BRAF: variants seen among roughly 807,000 people sequenced by gnomAD.
The protein encoded by BRAF is serine/threonine-protein kinase B-raf.
Under a neutral mutation model 104.6 loss-of-function variants are expected in BRAF, and 16 were observed. The ratio of observed to expected loss-of-function variants is 0.15; its 90% CI spans 0.10 to 0.23. The LOEUF (loss-of-function observed/expected upper bound fraction) is 0.23, where lower values mean the gene tolerates loss of function less well. Ranked by LOEUF, BRAF falls within the 10% of genes least tolerant of loss-of-function variation. The pLI, the probability that BRAF is intolerant of heterozygous loss-of-function variation, is 1.00. For missense variants in BRAF, 541 were observed against 937.3 expected, an observed-to-expected ratio of 0.58 and a Z score of 5.52; for synonymous variants, 310 against 341.6, an observed-to-expected ratio of 0.91 and a Z score of 1.02.
At chr7:140,869,694 A>C (rs1811360899) in intron 1 of BRAF, among the ~76,000 whole-genome samples, 1 of 152,166 alleles carries the variant, frequency 6.6e-6, no homozygotes, top group Non-Finnish European at 1.5e-5. Flanking sequence ...TGATATACAC[A>C]GTAGCTATCT....
chr7:140,869,566 G>C (rs1263760160), intron 1 of BRAF, among the ~76,000 whole-genome samples: 2 of 151,912 alleles, frequency 1.3e-5, no homozygotes, highest in African/African-American at 4.8e-5. Context: ...CTGGGAGACA[G>C]AGGTTGCGGT....
chr7:140,758,285 A>G (rs1308044177), intron 14 of BRAF: 2 of 152,158 alleles, frequency 1.3e-5, no homozygotes, highest in African/African-American at 4.8e-5. Context: ...CTCCCTTATT[A>G]CAACCCTGGA....
intron 14 of BRAF, 45 bp downstream of exon 13, chr7:140,776,867 G>A (rs750933612): frequency 1.3e-6 from 2 of 1,565,502 alleles, no homozygotes; most frequent in Non-Finnish European, 1.8e-6. Flanking sequence ...CATCCTCAAT[G>A]GTCTTCAAAA....
chr7:140,818,570 C>G (rs1805135668), intron 3 of BRAF, among the ~76,000 whole-genome samples: 1 of 152,164 alleles, frequency 6.6e-6, no homozygotes, highest in African/African-American at 2.4e-5. Flanking sequence ...GCCTTGGCCT[C>G]CCAAAGTGCT....
At chr7:140,785,606 C>T (rs547456433) in intron 10 of BRAF, 2 of 397,128 alleles carry the variant, frequency 5.0e-6, no homozygotes, top group Admixed American at 8.8e-5. Context: ...CAAACACACG[C>T]TGTGAGGGTG....
intron 8 of BRAF, 143 bp from the exon 9 acceptor site, chr7:140,787,727 T>C: frequency 1.4e-6 from 1 of 719,662 alleles, no homozygotes; most frequent in South Asian, 1.9e-5. Context: ...CAAAACAATT[T>C]GGAATTATCT....
At chr7:140,907,260 T>C (rs1190370058) in intron 1 of BRAF, among the ~76,000 whole-genome samples, 1 of 152,176 alleles carries the variant, frequency 6.6e-6, no homozygotes, top group African/African-American at 2.4e-5. Context: ...AGTTGGGTTT[T>C]TCCCCCCCTT....
intron 1 of BRAF, among the ~76,000 whole-genome samples, chr7:140,854,752 C>T (rs1018067441): frequency 1.3e-5 from 2 of 151,956 alleles, no homozygotes; most frequent in African/African-American, 2.4e-5. Flanking sequence ...TCGAGACCAG[C>T]TGGCCAACAC....
chr7:140,843,898 A>G (rs1483782613), intron 2 of BRAF, among the ~76,000 whole-genome samples: 1 of 151,970 alleles, frequency 6.6e-6, no homozygotes, highest in Non-Finnish European at 1.5e-5. Flanking sequence ...AGTCCCAGCT[A>G]CTCGGGAGGC....
chr7:140,770,979 C>T (rs1162214526), intron 14 of BRAF, among the ~76,000 whole-genome samples: 4 of 150,400 alleles, frequency 2.7e-5, no homozygotes, highest in Non-Finnish European at 3.0e-5. Flanking sequence ...ACATACTTTA[C>T]CAACCCTGAT....
In BRAF at chr7:140,801,609, T is replaced by C. The variant is rs775880166; in HGVS notation, c.712-49A>G. On this transcript the variant is annotated intron_variant, in intron 5 of 19. Transcript: ENST00000644969. The stretch of plus-strand genomic sequence containing the variant: ...ATTTCAAAAACTCACAAGAAAACTT[T>C]CTAGAAACTGACGTATCTACTCTCT... 10 of 1,573,368 alleles carry C rather than the reference T, an allele frequency of 6.4e-6. No individual in the cohort carries two copies. In the Admixed American group the frequency reaches 1.7e-4, roughly 27 times the overall value.
At chr7:140,797,805 G>C (rs1802643254) in intron 7 of BRAF, among the ~76,000 whole-genome samples, 1 of 152,114 alleles carries the variant, frequency 6.6e-6, no homozygotes, top group Non-Finnish European at 1.5e-5. Flanking sequence ...TACAGAATCT[G>C]TCAGGAGAAA....
rs1388508521 is a variant in BRAF, at chr7:140,849,608, C to T, written c.240+503G>A. Among the ~76,000 whole-genome samples, 9 of 151,100 alleles carry T rather than the reference C, an allele frequency of 6.0e-5. No individual in the cohort carries two copies. The East Asian group carries it at 1.4e-3, about 23-fold the overall frequency. On this transcript the variant is annotated intron_variant, in intron 2 of 19. Coordinates refer to ENST00000644969, the MANE Select transcript of BRAF (RefSeq NM_001374258.1). ...AAGTGGGTGGATCACAAAGTCAGTT[C>T]GAGACCAGCCTGGCCAATATGGTGA...
rs1445321980 is a variant in BRAF, at chr7:140,720,320, C to T, written c.*6174G>A. ...ATATGTGGCATGGCCAAAGGAAACA[C>T]GGAGGACCCATGGATGCATTTTAAA... On this transcript the variant is annotated 3_prime_UTR_variant, in exon 20 of 20. Transcript: ENST00000644969. 6.6e-6 allele frequency: 7 copies of T among 1,062,150 alleles called. No homozygotes were observed. The highest frequency in any genetic ancestry group is 4.6e-5 in the South Asian group (1 of 21,944). 65.8% of individuals were successfully genotyped at this position (1,062,150 alleles called of 1,614,324 possible).
intron 17 of BRAF, among the ~76,000 whole-genome samples, chr7:140,748,534 T>TGGTCAACTA (rs1186087316): frequency 1.3e-5 from 2 of 152,194 alleles, no homozygotes; most frequent in Middle Eastern, 3.2e-3. Context: ...AGAGTTTATG[T>TGGTCAACTA]GGTCAACTAG....
At chr7:140,857,526 T>C (rs376665910) in intron 1 of BRAF, among the ~76,000 whole-genome samples, 1 of 152,192 alleles carries the variant, frequency 6.6e-6, no homozygotes, top group Non-Finnish European at 1.5e-5. Context: ...ATCTAGAGAC[T>C]AATATACATG....
At chr7:140,908,221 T>C (rs1816556454) in intron 1 of BRAF, among the ~76,000 whole-genome samples, 1 of 152,194 alleles carries the variant, frequency 6.6e-6, no homozygotes, top group African/African-American at 2.4e-5. Flanking sequence ...TTATTTTTCC[T>C]CTGTAAAAAC....
chr7:140,748,408 A>T (rs1037179890), intron 17 of BRAF, among the ~76,000 whole-genome samples: 1 of 152,184 alleles, frequency 6.6e-6, no homozygotes, highest in South Asian at 2.1e-4. Flanking sequence ...AAAAAAATGC[A>T]GGTGATTGGA....
At chr7:140,884,427 ATATG>A (rs747951350) in intron 1 of BRAF, among the ~76,000 whole-genome samples, 8,103 of 114,598 alleles carry the variant, frequency 0.071, 289 homozygotes, top group Non-Finnish European at 0.094. Context: ...TATATATAAG[ATATG>A]TGTGTGTGTG....
Sources: gnomAD v4.1 joint callset for allele counts (sites outside exome capture counted in the v4.1 genomes callset) on GRCh38, gnomAD v4.1.1 for gene constraint, MANE v1.5 for transcripts, NCBI Gene and HGNC (gene_info 2026-07-23, HGNC 2026-07-21) for gene names.